TNS1: variants seen among roughly 807,000 people sequenced by gnomAD.
TNS1 encodes tensin 1.
TNS1 carries 62 observed loss-of-function variants against 168.6 expected under a neutral mutation model. The observed-to-expected ratio is 0.37, with a 90% CI of 0.30 to 0.45. The LOEUF (loss-of-function observed/expected upper bound fraction) is 0.45, where lower values mean the gene tolerates loss of function less well. Among genes scored for constraint, TNS1 ranks in the 20% least tolerant of loss-of-function variants. The pLI is 1.00. For missense variants in TNS1, 2,240 were observed against 2,339.4 expected (o/e 0.96, Z 0.88); for synonymous variants, 934 against 933.2 (o/e 1.00, Z -0.02).
intron 22 of TNS1, among the ~76,000 whole-genome samples, chr2:217,825,776 A>G (rs749351602): frequency 3.3e-5 from 5 of 152,204 alleles, no homozygotes; most frequent in Non-Finnish European, 5.9e-5. Flanking sequence ...GCAAGATTGC[A>G]TGGAGGGCCC....
intron 18 of TNS1, among the ~76,000 whole-genome samples, chr2:217,878,132 C>A: frequency 6.6e-6 from 1 of 152,242 alleles, no homozygotes; most frequent in East Asian, 1.9e-4. Context: ...AGGGGCTCAG[C>A]TGTTGCCTGC....
At chr2:217,974,527 T>G (rs547994721) in intron 3 of TNS1, among the ~76,000 whole-genome samples, 3 of 152,264 alleles carry the variant, frequency 2.0e-5, no homozygotes, top group East Asian at 3.9e-4. Context: ...GCTCTCAACC[T>G]TCCGATGGGC....
At chr2:217,871,364 G>T (rs1165008470) in intron 18 of TNS1, among the ~76,000 whole-genome samples, 1 of 152,182 alleles carries the variant, frequency 6.6e-6, no homozygotes, top group Non-Finnish European at 1.5e-5. Context: ...GAGGCCAGGT[G>T]ACCATTTCCC....
At chr2:217,809,523 A>ACGGATGGATG (rs1559141337) in intron 30 of TNS1, among the ~76,000 whole-genome samples, 6 of 7,496 alleles carry the variant, frequency 8.0e-4, no homozygotes, top group African/African-American at 4.0e-3. Context: ...ATGGATGGAT[A>ACGGATGGATG]GGTGCATGGA....
chr2:217,811,525 A>T (rs1025785977), intron 28 of TNS1, among the ~76,000 whole-genome samples: 1 of 152,158 alleles, frequency 6.6e-6, no homozygotes, highest in Non-Finnish European at 1.5e-5. Flanking sequence ...AAAAAATCCT[A>T]GGGCCACAGC....
intron 7 of TNS1, among the ~76,000 whole-genome samples, chr2:217,898,770 G>A (rs767522468): frequency 2.0e-5 from 3 of 152,232 alleles, no homozygotes; most frequent in South Asian, 4.1e-4. Flanking sequence ...GAGGCCCCTG[G>A]GCTGGCCATC....
chr2:217,996,158 A>C (rs1457809806), intron 1 of TNS1, among the ~76,000 whole-genome samples: 2 of 152,114 alleles, frequency 1.3e-5, no homozygotes, highest in East Asian at 3.9e-4. Flanking sequence ...AGCTCCTCCT[A>C]CAAAACTCCC....
intron 2 of TNS1, among the ~76,000 whole-genome samples, chr2:217,981,486 G>A (rs1958047354): frequency 6.6e-6 from 1 of 152,236 alleles, no homozygotes; most frequent in African/African-American, 2.4e-5. Flanking sequence ...GCTATGCTGA[G>A]TGCTTCCTGT....
At chr2:217,935,880 A>G (rs915573332) in intron 3 of TNS1, among the ~76,000 whole-genome samples, 3 of 152,212 alleles carry the variant, frequency 2.0e-5, no homozygotes, top group African/African-American at 4.8e-5. Flanking sequence ...ATAGCCTGCA[A>G]GAGATGGGGT....
Position 218,019,176 on chromosome 2 carries a change from T to A in TNS1, c.156+14644A>T, listed in dbSNP as rs79693193. Among the ~76,000 whole-genome samples, 1,319 of 152,070 alleles carry A rather than the reference T, an allele frequency of 8.7e-3. 21 individuals are homozygous for A. The highest frequency in any genetic ancestry group is 0.03 in the African/African-American group (1,260 of 41,478). The stretch of plus-strand genomic sequence containing the variant: ...CTCCCGAGGGACAAGGAGGGTCCCC[T>A]GGAAGATAAGGGTGAAGGCTGGGAC... On this transcript the variant is annotated intron_variant, in intron 1 of 1. Coordinates refer to the TNS1 transcript ENST00000649572.
At chr2:217,811,953 G>A (rs929952470) in intron 28 of TNS1, among the ~76,000 whole-genome samples, 5 of 152,110 alleles carry the variant, frequency 3.3e-5, no homozygotes, top group South Asian at 2.1e-4. Flanking sequence ...CTTTCCTGAG[G>A]CTGCTCTCTC....
chr2:218,009,376 C>G (rs1958686107), intron 1 of TNS1, among the ~76,000 whole-genome samples: 1 of 152,082 alleles, frequency 6.6e-6, no homozygotes, highest in Non-Finnish European at 1.5e-5. Flanking sequence ...TCTATACTCC[C>G]CCCACCCACA....
intron 24 of TNS1, 144 bp downstream of exon 24, chr2:217,817,544 GGA>G: frequency 3.0e-6 from 2 of 671,008 alleles, no homozygotes. Context: ...CTCTTTATAC[GGA>G]TAAAGAAACT....
intron 3 of TNS1, among the ~76,000 whole-genome samples, chr2:217,953,345 T>C (rs1957286578): frequency 6.6e-6 from 1 of 152,294 alleles, no homozygotes; most frequent in African/African-American, 2.4e-5. Context: ...TCTTGGAACA[T>C]TGTGTTCAGG....
intron 22 of TNS1, among the ~76,000 whole-genome samples, chr2:217,828,825 G>A (rs1441443659): frequency 1.3e-5 from 2 of 152,188 alleles, no homozygotes; most frequent in South Asian, 2.1e-4. Context: ...CCTGAAACAC[G>A]CGAAGTTGTC....
At chr2:217,911,051 G>A (rs1954346698) in intron 4 of TNS1, among the ~76,000 whole-genome samples, 1 of 152,184 alleles carries the variant, frequency 6.6e-6, no homozygotes, top group South Asian at 2.1e-4. Context: ...CAAGTCAGCT[G>A]CAAAGGGATG....
intron 18 of TNS1, among the ~76,000 whole-genome samples, chr2:217,878,103 C>G (rs1000940643): frequency 2.6e-5 from 4 of 152,362 alleles, no homozygotes; most frequent in Middle Eastern, 3.4e-3. Flanking sequence ...GGCCCACACT[C>G]TTCTCTGTGG....
intron 3 of TNS1, among the ~76,000 whole-genome samples, chr2:217,927,725 C>A (rs1196977319): frequency 6.6e-6 from 1 of 152,194 alleles, no homozygotes; most frequent in Non-Finnish European, 1.5e-5. Context: ...CCCTTGACTT[C>A]TCTTCCTCAC....
chr2:217,876,560 A>C lies in TNS1; in HGVS notation c.1429+4338T>G, dbSNP rs553374701. 1.5e-3 allele frequency among the ~76,000 whole-genome samples: 230 copies of C among 152,304 alleles called. 1 individual carries two copies. The highest frequency in any genetic ancestry group is 0.014 in the Middle Eastern group (4 of 294). On this transcript the variant is annotated intron_variant, in intron 18 of 32. Coordinates refer to ENST00000682258, the MANE Select transcript of TNS1 (RefSeq NM_001387777.1). ...TGGGGCATCCAAATACATGTGACCCAGAAAACTCCTTCTCAGGTGTGACGA... is the reference window on the plus strand; with the variant it reads ...TGGGGCATCCAAATACATGTGACCCCGAAAACTCCTTCTCAGGTGTGACGA...
Sources: allele counts gnomAD v4.1 joint callset (sites outside exome capture counted in the v4.1 genomes callset), GRCh38; gene constraint gnomAD v4.1.1; transcripts MANE v1.5; gene names NCBI Gene and HGNC (gene_info 2026-07-23, HGNC 2026-07-21).